PLSCR5: variants seen among roughly 807,000 people sequenced by gnomAD.
PLSCR5 encodes the protein phospholipid scramblase family, member 5.
PLSCR5 carries 44 observed loss-of-function variants against 33.6 expected under a neutral mutation model. That is an observed-to-expected ratio of 1.31 (90% CI 1.03 to 1.69). PLSCR5 has a LOEUF of 1.69. Ranked by LOEUF, PLSCR5 falls within the 40% of genes most tolerant of loss-of-function variation. The pLI is 0.00. For missense variants in PLSCR5, 375 were observed against 318.7 expected, an observed-to-expected ratio of 1.18 and a Z score of -1.34; for synonymous variants, 148 against 112.3, an observed-to-expected ratio of 1.32 and a Z score of -2.01.
Position 146,586,109 on chromosome 3 carries a change from A to C in PLSCR5, c.781T>G (p.Phe261Val), listed in dbSNP as rs747394160. Residue 261 changes from phenylalanine (F) to valine (V), a missense_variant, in exon 7 of 8, where the codon TTT (phenylalanine) becomes GTT (valine). Phe to Val is a conservative substitution (Grantham distance 50, BLOSUM62 -1). Coordinates refer to ENST00000443512, the MANE Select transcript of PLSCR5 (RefSeq NM_001085420.2). ...AMIGACFLFD[F>V]MFFEHSLAGL Reference sequence around the variant, plus strand: ...GCCAGTGAATGTTCAAAGAACATAAAATCCTACAAATAAGTAAACTGAATA... The same window carrying C: ...GCCAGTGAATGTTCAAAGAACATAACATCCTACAAATAAGTAAACTGAATA... 8.8e-6 allele frequency: 13 copies of C among 1,482,132 alleles called. No homozygotes were observed. Among genetic ancestry groups the C allele is most frequent in the Admixed American group, 2.7e-5 (1 of 37,226 alleles). 91.8% of individuals were successfully genotyped at this position (1,482,132 alleles called of 1,614,324 possible).
chr3:146,601,979 T>C (rs2044820030), intron 1 of PLSCR5, among the ~76,000 whole-genome samples: 1 of 152,166 alleles, frequency 6.6e-6, no homozygotes, highest in South Asian at 2.1e-4. Context: ...TCATTATTAT[T>C]AGTGTAGGGC....
intron 2 of PLSCR5, among the ~76,000 whole-genome samples, chr3:146,598,254 T>G (rs2107857404): frequency 6.6e-6 from 1 of 152,286 alleles, no homozygotes; most frequent in East Asian, 1.9e-4. Context: ...CATTATTTTG[T>G]TTGATTTTTG....
chr3:146,600,661 G>A (rs1031386151), intron 1 of PLSCR5, among the ~76,000 whole-genome samples, 198 bp from the exon 2 acceptor site: 14 of 151,990 alleles, frequency 9.2e-5, no homozygotes, highest in African/African-American at 3.1e-4. Context: ...GCAGAAGACT[G>A]CTGGTAGTAG....
chr3:146,589,774 G>A lies in PLSCR5; in HGVS notation c.656C>T (p.Ser219Leu), dbSNP rs2107850831. The change falls in exon 6 of 8, where the codon TCA becomes TTA. Residue 219 changes from serine (S) to leucine (L), a missense_variant. Transcript: ENST00000443512. ...INEKLTIGKI[S>L]KYWSGFVNDV... ...ATTTACAAATCCTGACCAGTACTTT[G>A]AAATCTTCCCAATTGTAAGCTTTTC... 2 of 1,577,952 alleles carry A rather than the reference G, an allele frequency of 1.3e-6. No individual in the cohort carries two copies. Among genetic ancestry groups the A allele is most frequent in the African/African-American group, 1.3e-5 (1 of 74,234 alleles).
At chr3:146,590,327 AT>A (rs1415297873) in intron 5 of PLSCR5, 1 of 152,076 alleles carries the variant, frequency 6.6e-6, no homozygotes, top group African/African-American at 2.4e-5. Context: ...TTTAAATATT[AT>A]TGGCCATTGT....
chr3:146,598,346 T>C (rs2044780526), intron 2 of PLSCR5, among the ~76,000 whole-genome samples: 1 of 152,168 alleles, frequency 6.6e-6, no homozygotes, highest in South Asian at 2.1e-4. Context: ...AGTTTGGAAG[T>C]GCTCATTCAT....
At chr3:146,580,481 T>C (rs2044626464) in intron 7 of PLSCR5, among the ~76,000 whole-genome samples, 1 of 120,816 alleles carries the variant, frequency 8.3e-6, no homozygotes, top group South Asian at 2.6e-4. Flanking sequence ...TTTTTTTTTT[T>C]TGAGACGGAG....
intron 2 of PLSCR5, among the ~76,000 whole-genome samples, chr3:146,599,514 CTTT>C (rs200837530): frequency 0.079 from 11,221 of 141,868 alleles, 455 homozygotes; most frequent in East Asian, 0.16. Flanking sequence ...TTTGCATTAA[CTTT>C]TTTTTTTTTT....
chr3:146,583,118 G>A (rs1190765752), downstream of PLSCR5, among the ~76,000 whole-genome samples: 1 of 151,974 alleles, frequency 6.6e-6, no homozygotes, highest in East Asian at 1.9e-4. Flanking sequence ...ATTAAATCCA[G>A]CATCACTCCC....
chr3:146,602,157 G>C (rs2044822057), intron 1 of PLSCR5, among the ~76,000 whole-genome samples: 1 of 152,026 alleles, frequency 6.6e-6, no homozygotes, highest in Non-Finnish European at 1.5e-5. Context: ...TCACACATCT[G>C]GGGCAGATAC....
At chr3:146,585,036 G>A (rs1357831152), downstream of PLSCR5, among the ~76,000 whole-genome samples, 1 of 152,104 alleles carries the variant, frequency 6.6e-6, no homozygotes, top group Non-Finnish European at 1.5e-5. Flanking sequence ...GGAAGAAGGA[G>A]AGAATAATTA....
chr3:146,589,501 A>C (rs942486950), intron 6 of PLSCR5, 152 bp downstream of exon 6: 1 of 712,644 alleles, frequency 1.4e-6, no homozygotes, highest in African/African-American at 1.8e-5. Context: ...TCTAAATTCT[A>C]ATTTTTGAAG....
chr3:146,602,309 A>T (rs149631943), intron 1 of PLSCR5, among the ~76,000 whole-genome samples: 1 of 152,170 alleles, frequency 6.6e-6, no homozygotes, highest in Non-Finnish European at 1.5e-5. Context: ...AACAATAATG[A>T]TGCAAAAATA....
chr3:146,600,524 T>A, intron 1 of PLSCR5, 61 bp from the exon 2 acceptor site: 3 of 1,388,824 alleles, frequency 2.2e-6, no homozygotes, highest in Non-Finnish European at 2.9e-6. Flanking sequence ...TTAGTCCTTC[T>A]TAAAGTATTT....
intron 4 of PLSCR5, 44 bp from the exon 5 acceptor site, chr3:146,591,925 C>T: frequency 6.8e-7 from 1 of 1,460,980 alleles, no homozygotes; most frequent in Non-Finnish European, 9.2e-7. Flanking sequence ...CTTAGGTTAT[C>T]ATATTTTAAT....
At chr3:146,599,693 T>C (rs2044794565) in intron 2 of PLSCR5, among the ~76,000 whole-genome samples, 1 of 147,812 alleles carries the variant, frequency 6.8e-6, no homozygotes, top group South Asian at 2.2e-4. Context: ...TTTTTTTTTT[T>C]TCCAAGGCAA....
At chr3:146,583,604 C>A (rs548980512), downstream of PLSCR5, among the ~76,000 whole-genome samples, 1 of 152,290 alleles carries the variant, frequency 6.6e-6, no homozygotes, top group Non-Finnish European at 1.5e-5. Context: ...TCAATTTTAC[C>A]TTTAATAAGA....
At chr3:146,588,428 G>A (rs1188878958) in intron 6 of PLSCR5, among the ~76,000 whole-genome samples, 4 of 152,068 alleles carry the variant, frequency 2.6e-5, no homozygotes, top group African/African-American at 9.6e-5. Context: ...CCAAGATTGC[G>A]CCACTGCACT....
At chr3:146,597,239 TAC>T (rs1324015087) in intron 2 of PLSCR5, among the ~76,000 whole-genome samples, 3 of 152,172 alleles carry the variant, frequency 2.0e-5, no homozygotes, top group South Asian at 4.1e-4. Context: ...ATTGAATAAC[TAC>T]CATAAGGTAG....
Sources: allele counts gnomAD v4.1 joint callset (sites outside exome capture counted in the v4.1 genomes callset), GRCh38; gene constraint gnomAD v4.1.1; transcripts MANE v1.5; gene names NCBI Gene and HGNC (gene_info 2026-07-23, HGNC 2026-07-21).